The following KIF26B variants were observed in gnomAD, a reference collection of about 807,000 sequenced individuals.
KIF26B encodes the protein kinesin-like protein KIF26B.
A neutral mutation model predicts 151.2 loss-of-function variants in KIF26B; 63 were observed. The ratio of observed to expected loss-of-function variants is 0.42; its 90% CI spans 0.34 to 0.51. KIF26B has a LOEUF of 0.51. KIF26B is among the 20% of genes least tolerant of loss of function. The pLI, the probability that KIF26B is intolerant of heterozygous loss-of-function variation, is 0.07. For missense variants in KIF26B, 2,813 were observed against 2,913.6 expected (o/e 0.97, Z 0.79); for synonymous variants, 1,357 against 1,262.1 (o/e 1.08, Z -1.59).
At chr1:245,215,988 G>A (rs1669635118) in intron 2 of KIF26B, 1 of 152,004 alleles carries the variant, frequency 6.6e-6, no homozygotes, top group Non-Finnish European at 1.5e-5. Context: ...AGCTGCTAGG[G>A]AGGCTCAGGC....
At position 245,686,008 on chromosome 1, in the gene KIF26B, C is replaced by A; in HGVS notation, c.3025C>A (p.Pro1009Thr). 1 of 1,590,628 alleles carries A rather than the reference C, an allele frequency of 6.3e-7. No homozygotes were observed. Among genetic ancestry groups the A allele is most frequent in the East Asian group, 2.3e-5 (1 of 43,320 alleles). ...SKMQRSHSPV[P>T]AAAPAHSPSP... is the part of the protein sequence containing the mutation. The stretch of plus-strand genomic sequence containing the variant: ...GATGCAGAGGAGTCACTCACCTGTG[C>A]CCGCCGCGGCACCCGCCCACAGCCC... The change falls in exon 12 of 15, where the codon CCC becomes ACC. Residue 1009 changes from proline to threonine, a missense_variant. Coordinates refer to ENST00000407071, the MANE Select transcript of KIF26B (RefSeq NM_018012.4). This position sits in a 1 kb window ranked among gnomAD's most constrained non-coding sequence, Gnocchi z 5.6.
intron 5 of KIF26B, among the ~76,000 whole-genome samples, chr1:245,551,086 G>C (rs10924237): frequency 0.33 from 49,635 of 151,940 alleles, 8,608 homozygotes; most frequent in Non-Finnish European, 0.38. Flanking sequence ...TCCTTCGTCA[G>C]CCAGGCTGGA....
At chr1:245,672,593 T>G (rs2147942207) in intron 10 of KIF26B, among the ~76,000 whole-genome samples, 1 of 152,298 alleles carries the variant, frequency 6.6e-6, no homozygotes, top group East Asian at 1.9e-4. Flanking sequence ...GCCTTTTGTG[T>G]GCACAAGATC....
intron 9 of KIF26B, among the ~76,000 whole-genome samples, chr1:245,633,514 G>A (rs1311860056): frequency 2.0e-5 from 3 of 151,520 alleles, no homozygotes; most frequent in African/African-American, 7.3e-5. Context: ...TTTCTCATTC[G>A]TGTATCTGCT....
chr1:245,198,668 T>C (rs1396610882), intron 2 of KIF26B, among the ~76,000 whole-genome samples: 1 of 148,500 alleles, frequency 6.7e-6, no homozygotes, highest in Non-Finnish European at 1.5e-5. Context: ...GTTGCGTGAG[T>C]CGAGATCGAG....
intron 2 of KIF26B, among the ~76,000 whole-genome samples, chr1:245,285,174 C>G (rs773866102): frequency 4.6e-4 from 70 of 152,324 alleles, no homozygotes; most frequent in African/African-American, 1.7e-3. Context: ...TCAGCCTGCT[C>G]CACACGTCTC....
chr1:245,282,942 T>C, intron 2 of KIF26B: 1 of 333,118 alleles, frequency 3.0e-6, no homozygotes. Context: ...CCCACCTCTG[T>C]AGTAGCCACC....
Position 245,178,164 on chromosome 1 carries a change from C to T in KIF26B, c.465+21481C>T, listed in dbSNP as rs552055735. Among the ~76,000 whole-genome samples the T allele has an allele frequency of 6.6e-5, 10 of 152,268 alleles. No individual in the cohort carries two copies. The East Asian group carries it at 7.7e-4, about 12-fold the overall frequency. On this transcript the variant is annotated intron_variant, in intron 2 of 14. Coordinates refer to ENST00000407071, the MANE Select transcript of KIF26B (RefSeq NM_018012.4). ...GACCTGTTCATCAGAATAATTCCTACGCTTTGAGCCACTTATTCAAGTGAT... is the reference window on the plus strand; with the variant it reads ...GACCTGTTCATCAGAATAATTCCTATGCTTTGAGCCACTTATTCAAGTGAT...
intron 2 of KIF26B, among the ~76,000 whole-genome samples, chr1:245,282,017 AT>A (rs1184694521): frequency 1.3e-5 from 2 of 152,128 alleles, no homozygotes; most frequent in African/African-American, 2.4e-5. Flanking sequence ...GCCTTGTAGT[AT>A]TAGGAATCCA....
chr1:245,523,286 T>A (rs1258325443), intron 4 of KIF26B, among the ~76,000 whole-genome samples: 1 of 152,196 alleles, frequency 6.6e-6, no homozygotes, highest in Non-Finnish European at 1.5e-5. Flanking sequence ...GGTCCCATAT[T>A]CTCAATTTAC....
chr1:245,557,661 G>T (rs1385323909), intron 5 of KIF26B, among the ~76,000 whole-genome samples: 1 of 152,162 alleles, frequency 6.6e-6, no homozygotes, highest in East Asian at 1.9e-4. Flanking sequence ...TGATCTATGG[G>T]TGCAGAAGCT....
chr1:245,698,154 C>T lies in KIF26B; in HGVS notation c.5873C>T (p.Ser1958Phe). 1.9e-6 allele frequency: 3 copies of T among 1,614,048 alleles called. No homozygotes were observed. The highest frequency in any genetic ancestry group is 2.5e-6 in the Non-Finnish European group (3 of 1,179,888). The stretch of plus-strand genomic sequence containing the variant: ...CCAGCACTATCCCTGGACACCTCTT[C>T]CCCTGTGAGAAAACCCCCCAACAGC... ...LIPALSLDTS[S>F]PVRKPPNSTG... The change falls in exon 13 of 15, where the codon TCC becomes TTC. Residue 1958 changes from serine (S) to phenylalanine (F), a missense_variant. Physicochemically the swap from Ser to Phe is radical, Grantham distance 155 (BLOSUM62 -2). Coordinates refer to ENST00000407071, the MANE Select transcript of KIF26B (RefSeq NM_018012.4). This position sits in a 1 kb window ranked among gnomAD's most constrained non-coding sequence, Gnocchi z 4.0.
At chr1:245,242,970 T>G (rs1472283812) in intron 2 of KIF26B, among the ~76,000 whole-genome samples, 2 of 152,210 alleles carry the variant, frequency 1.3e-5, no homozygotes, top group African/African-American at 4.8e-5. Context: ...TATTTACTTC[T>G]CCTATGGATG....
At position 245,705,200 on chromosome 1, in the gene KIF26B, C is replaced by T. The variant is rs942627292; in HGVS notation, c.*2594C>T. On this transcript the variant is annotated 3_prime_UTR_variant, in exon 15 of 15. Coordinates refer to ENST00000407071, the MANE Select transcript of KIF26B (RefSeq NM_018012.4). The stretch of plus-strand genomic sequence containing the variant: ...CCTTCCCAAGATGGCAATCACAGAA[C>T]ACCTCGCAGGATCTCGCAGGCCACG... The T allele has an allele frequency of 6.6e-6, 1 of 152,246 alleles. No homozygotes were observed. The highest frequency in any genetic ancestry group is 1.5e-5 in the Non-Finnish European group (1 of 68,050). 9.4% of individuals were successfully genotyped at this position (152,246 alleles called of 1,614,324 possible). A position where few individuals can be genotyped will look rare whatever the true frequency, so the allele number is the denominator to read the frequency against.
intron 2 of KIF26B, among the ~76,000 whole-genome samples, chr1:245,309,433 A>T (rs1193073096): frequency 1.3e-5 from 2 of 151,538 alleles, no homozygotes; most frequent in Admixed American, 1.3e-4. Context: ...CTGCTTTGGG[A>T]CTCCAGCTGA....
At position 245,438,110 on chromosome 1, in the gene KIF26B, C is replaced by A. The variant is rs183025728; in HGVS notation, c.1166+18365C>A. ...TCCACTATGTTCTGAGCCATAAATCCTTTCGTGTGCTCAAATAATACACCC... is the reference window on the plus strand; with the variant it reads ...TCCACTATGTTCTGAGCCATAAATCATTTCGTGTGCTCAAATAATACACCC... On this transcript the variant is annotated intron_variant, in intron 4 of 14. Coordinates refer to ENST00000407071, the MANE Select transcript of KIF26B (RefSeq NM_018012.4). Among the ~76,000 whole-genome samples the A allele has an allele frequency of 5.3e-5, 8 of 152,288 alleles. No homozygotes were observed. In the East Asian group the frequency reaches 1.5e-3, roughly 29 times the overall value.
chr1:245,542,941 G>A (rs1661658697), intron 5 of KIF26B, among the ~76,000 whole-genome samples: 1 of 152,164 alleles, frequency 6.6e-6, no homozygotes, highest in Non-Finnish European at 1.5e-5. Context: ...ATAAGTGTGA[G>A]CAAATGTTTA....
chr1:245,457,628 T>C (rs551311962), intron 4 of KIF26B, among the ~76,000 whole-genome samples: 20 of 152,218 alleles, frequency 1.3e-4, no homozygotes, highest in Non-Finnish European at 2.6e-4. Flanking sequence ...ATTTTGAATA[T>C]GGTGCTTATC....
intron 10 of KIF26B, among the ~76,000 whole-genome samples, chr1:245,659,958 G>C (rs1269290960): frequency 6.6e-6 from 1 of 151,676 alleles, no homozygotes; most frequent in African/African-American, 2.4e-5. Context: ...TGAGGCAGGC[G>C]AATCGCTTGA....
Sources: allele counts gnomAD v4.1 joint callset (sites outside exome capture counted in the v4.1 genomes callset), GRCh38; gene constraint gnomAD v4.1.1; non-coding constraint Gnocchi (gnomAD v3.1); transcripts MANE v1.5; gene names NCBI Gene and HGNC (gene_info 2026-07-23, HGNC 2026-07-21).